Variants in SNTG1 observed in about 807,000 individuals in gnomAD.
The protein encoded by SNTG1 is gamma-1-syntrophin.
SNTG1 carries 39 observed loss-of-function variants against 74.7 expected under a neutral mutation model. That is an observed-to-expected ratio of 0.52 (90% CI 0.40 to 0.68). The LOEUF is 0.68. Ranked by LOEUF, SNTG1 falls within the 30% of genes least tolerant of loss-of-function variation. The probability of loss-of-function intolerance (pLI) is 0.00; values close to 1 mark genes in which losing one functional copy is unlikely to be tolerated. For missense variants in SNTG1, 685 were observed against 609.5 expected (o/e 1.12, Z -1.30); for synonymous variants, 254 against 217.1 (o/e 1.17, Z -1.49).
At chr8:50,763,178 C>T (rs2095603886) in intron 18 of SNTG1, among the ~76,000 whole-genome samples, 2 of 151,846 alleles carry the variant, frequency 1.3e-5, no homozygotes, top group South Asian at 4.1e-4. Context: ...ATTTTGGGGA[C>T]AGTGGTTTTC....
intron 1 of SNTG1, among the ~76,000 whole-genome samples, chr8:49,937,728 A>G (rs1361439093): frequency 6.6e-6 from 1 of 152,202 alleles, no homozygotes; most frequent in Non-Finnish European, 1.5e-5. Context: ...AGAGGTAAAA[A>G]GGGTCATGTG....
At chr8:50,179,971 T>G (rs2083141715) in intron 2 of SNTG1, among the ~76,000 whole-genome samples, 1 of 152,240 alleles carries the variant, frequency 6.6e-6, no homozygotes, top group East Asian at 1.9e-4. Flanking sequence ...GGTAGAAATA[T>G]CTGCATTTGT....
chr8:50,241,014 T>TA (rs1268181071), intron 2 of SNTG1, among the ~76,000 whole-genome samples: 1 of 152,164 alleles, frequency 6.6e-6, no homozygotes, highest in Non-Finnish European at 1.5e-5. Context: ...ATGTCCACTA[T>TA]AAAAAGTCTT....
chr8:50,724,277 A>G (rs1345219120), intron 17 of SNTG1, among the ~76,000 whole-genome samples: 1 of 152,198 alleles, frequency 6.6e-6, no homozygotes, highest in Admixed American at 6.5e-5. Flanking sequence ...AAATGATTTT[A>G]AGTAAGGAAT....
chr8:50,647,818 G>C (rs1028616250), intron 13 of SNTG1, among the ~76,000 whole-genome samples: 7 of 151,888 alleles, frequency 4.6e-5, no homozygotes, highest in Non-Finnish European at 8.8e-5. Context: ...AATGTATTTA[G>C]GGAAATTCTC....
At chr8:49,999,611 C>T (rs1467875752) in intron 1 of SNTG1, among the ~76,000 whole-genome samples, 5 of 152,134 alleles carry the variant, frequency 3.3e-5, no homozygotes, top group African/African-American at 7.2e-5. Context: ...CAGTGCTTTG[C>T]ACCTGCGATT....
intron 12 of SNTG1, among the ~76,000 whole-genome samples, chr8:50,588,673 T>A (rs2094670577): frequency 6.6e-6 from 1 of 152,172 alleles, no homozygotes; most frequent in Non-Finnish European, 1.5e-5. Flanking sequence ...TACATAATCC[T>A]GGGATAACAT....
chr8:49,967,253 G>A (rs1811225741), intron 1 of SNTG1, among the ~76,000 whole-genome samples: 1 of 152,208 alleles, frequency 6.6e-6, no homozygotes, highest in African/African-American at 2.4e-5. Context: ...CTTGAAGAAT[G>A]CCTGTCTGGC....
intron 1 of SNTG1, among the ~76,000 whole-genome samples, chr8:50,050,945 C>G (rs1050656074): frequency 6.6e-6 from 1 of 151,836 alleles, no homozygotes; most frequent in African/African-American, 2.4e-5. Context: ...AAATCCAACC[C>G]CTTTCATGAT....
At chr8:50,270,889 A>G (rs2087743311) in intron 2 of SNTG1, among the ~76,000 whole-genome samples, 1 of 152,212 alleles carries the variant, frequency 6.6e-6, no homozygotes, top group African/African-American at 2.4e-5. Flanking sequence ...CGTGTGAATT[A>G]TGAGCCAATC....
intron 1 of SNTG1, among the ~76,000 whole-genome samples, chr8:49,972,971 C>G (rs1811842259): frequency 6.6e-6 from 1 of 152,182 alleles, no homozygotes; most frequent in African/African-American, 2.4e-5. Context: ...CCTCAGGGAT[C>G]TAGAACTAGA....
At chr8:50,248,810 T>C (rs1563796365) in intron 2 of SNTG1, among the ~76,000 whole-genome samples, 1 of 152,230 alleles carries the variant, frequency 6.6e-6, no homozygotes, top group Non-Finnish European at 1.5e-5. Flanking sequence ...TTCATATTTC[T>C]TGAGTACTTA....
chr8:50,190,834 C>T (rs1382255189), intron 2 of SNTG1, among the ~76,000 whole-genome samples: 1 of 152,038 alleles, frequency 6.6e-6, no homozygotes, highest in African/African-American at 2.4e-5. Flanking sequence ...AAGCAGCCAC[C>T]TGTTCACTCT....
intron 2 of SNTG1, among the ~76,000 whole-genome samples, chr8:50,297,149 T>C (rs2089422324): frequency 6.6e-6 from 1 of 152,234 alleles, no homozygotes. Flanking sequence ...CAATGAGTCA[T>C]GATTGCACAT....
intron 1 of SNTG1, among the ~76,000 whole-genome samples, chr8:49,955,633 A>G (rs1015014060): frequency 6.6e-5 from 10 of 152,238 alleles, no homozygotes; most frequent in African/African-American, 2.4e-4. Flanking sequence ...CTGCTTACAA[A>G]TGTTGTTAAC....
intron 1 of SNTG1, among the ~76,000 whole-genome samples, chr8:49,952,379 C>T (rs1809802333): frequency 6.6e-6 from 1 of 152,088 alleles, no homozygotes. Flanking sequence ...CGAAGAGAGG[C>T]ATAAACCATG....
intron 4 of SNTG1, among the ~76,000 whole-genome samples, chr8:50,414,378 G>T (rs2131413730): frequency 6.6e-6 from 1 of 152,234 alleles, no homozygotes; most frequent in African/African-American, 2.4e-5. Context: ...CTGAGGTCAA[G>T]ATTGGCAAGT....
chr8:50,164,085 A>C (rs1307628786), intron 1 of SNTG1: 1 of 143,628 alleles, frequency 7.0e-6, no homozygotes, highest in Non-Finnish European at 1.5e-5. Flanking sequence ...ATAGAAAGAC[A>C]CAATTTCTTT....
intron 11 of SNTG1, among the ~76,000 whole-genome samples, chr8:50,546,087 G>A (rs1400944324): frequency 6.6e-6 from 1 of 152,078 alleles, no homozygotes; most frequent in African/African-American, 2.4e-5. Context: ...ATCACGTAAG[G>A]ATGTCATAGA....
Sources: gnomAD v4.1 joint callset for allele counts (sites outside exome capture counted in the v4.1 genomes callset) on GRCh38, gnomAD v4.1.1 for gene constraint, MANE v1.5 for transcripts, NCBI Gene and HGNC (gene_info 2026-07-23, HGNC 2026-07-21) for gene names.